ZNF423: variants seen among roughly 807,000 people sequenced by gnomAD.
The protein encoded by ZNF423 is zinc finger protein 423.
Under a neutral mutation model 95.8 loss-of-function variants are expected in ZNF423, and 12 were observed. The ratio of observed to expected loss-of-function variants is 0.13; its 90% CI spans 0.08 to 0.20. The LOEUF (loss-of-function observed/expected upper bound fraction) is 0.20, where lower values mean the gene tolerates loss of function less well. Ranked by LOEUF, ZNF423 falls within the 10% of genes least tolerant of loss-of-function variation. The pLI is 1.00. For synonymous variants in ZNF423, 749 were observed against 711.9 expected (o/e 1.05, Z -0.83); for missense variants, 1,316 against 1,737.1 (o/e 0.76, Z 4.31).
chr16:49,715,722 G>C (rs559633082), intron 3 of ZNF423, among the ~76,000 whole-genome samples: 1 of 151,592 alleles, frequency 6.6e-6, no homozygotes, highest in African/African-American at 2.4e-5. Context: ...TCCAGCCTGG[G>C]TGACAGAGTG....
intron 5 of ZNF423, among the ~76,000 whole-genome samples, chr16:49,528,620 GGGACTCGCTCCCACTCAA>G (rs1380359665): frequency 6.6e-6 from 1 of 152,200 alleles, no homozygotes; most frequent in Non-Finnish European, 1.5e-5. Context: ...CCGCAGAGCT[GGGACTCGCTCCCACTCAA>G]GGCAAGACCT....
intron 3 of ZNF423, among the ~76,000 whole-genome samples, chr16:49,695,455 G>A (rs971078481): frequency 1.8e-4 from 28 of 152,324 alleles, no homozygotes; most frequent in East Asian, 3.9e-4. Flanking sequence ...CACCAAGCCC[G>A]GCTAATTTTG....
intron 5 of ZNF423, among the ~76,000 whole-genome samples, chr16:49,566,995 C>T (rs962616387): frequency 1.3e-5 from 2 of 152,148 alleles, no homozygotes; most frequent in Non-Finnish European, 2.9e-5. Context: ...AGGGGTAAGA[C>T]GGGGTCCTCT....
At chr16:49,617,055 C>T (rs759677531) in intron 5 of ZNF423, among the ~76,000 whole-genome samples, 3 of 152,160 alleles carry the variant, frequency 2.0e-5, no homozygotes, top group Non-Finnish European at 4.4e-5. Flanking sequence ...AATAAAAGCC[C>T]TCTTTCTTTT....
At chr16:49,736,485 C>T (rs1258031529) in intron 2 of ZNF423, among the ~76,000 whole-genome samples, 1 of 152,150 alleles carries the variant, frequency 6.6e-6, no homozygotes, top group Non-Finnish European at 1.5e-5. Context: ...AACCTTTCAC[C>T]TCAATCATGT....
At chr16:49,837,920 C>A (rs866461633) in intron 1 of ZNF423, among the ~76,000 whole-genome samples, 1 of 152,198 alleles carries the variant, frequency 6.6e-6, no homozygotes, top group African/African-American at 2.4e-5. Flanking sequence ...TAAGCCAGAG[C>A]GGTCTCTCAA....
At chr16:49,842,526 C>T (rs891812121) in intron 1 of ZNF423, among the ~76,000 whole-genome samples, 18 of 151,844 alleles carry the variant, frequency 1.2e-4, no homozygotes, top group Non-Finnish European at 2.1e-4. Flanking sequence ...GTGGAAGGAT[C>T]ACTTGAGCCC....
At chr16:49,517,227 AC>A (rs1411220285) in intron 7 of ZNF423, among the ~76,000 whole-genome samples, 1 of 152,162 alleles carries the variant, frequency 6.6e-6, no homozygotes, top group Admixed American at 6.5e-5. Flanking sequence ...TCATGTCCCT[AC>A]AGCTTAATTT....
At chr16:49,621,252 T>C (rs1184397368) in intron 5 of ZNF423, among the ~76,000 whole-genome samples, 1 of 152,088 alleles carries the variant, frequency 6.6e-6, no homozygotes, top group Non-Finnish European at 1.5e-5. Flanking sequence ...TCAAAGCCAT[T>C]TCAAAAGCTG....
Position 49,492,927 on chromosome 16 carries a change from C to T in ZNF423, c.3850-1623G>A, listed in dbSNP as rs1441581533. ...GGGATTTTCAGGGGAGCCAGGCTTC[C>T]CAGGGCCTGCACCCCATGGGCACCG... On this transcript the variant is annotated intron_variant, in intron 7 of 7. Transcript: ENST00000563137. This position sits in a 1 kb window ranked among gnomAD's most constrained non-coding sequence, Gnocchi z 4.2. Among the ~76,000 whole-genome samples, 1 of 152,144 alleles carries T rather than the reference C, an allele frequency of 6.6e-6. No individual in the cohort carries two copies. Among genetic ancestry groups the T allele is most frequent in the Non-Finnish European group, 1.5e-5 (1 of 68,022 alleles).
intron 5 of ZNF423, among the ~76,000 whole-genome samples, chr16:49,558,752 G>A (rs1340644557): frequency 1.3e-5 from 2 of 152,184 alleles, no homozygotes; most frequent in East Asian, 3.8e-4. Context: ...TAAGCTCAGT[G>A]TGTATTTGAC....
chr16:49,497,818 C>T (rs1365659280), intron 7 of ZNF423, among the ~76,000 whole-genome samples: 2 of 152,168 alleles, frequency 1.3e-5, no homozygotes, highest in African/African-American at 2.4e-5. Flanking sequence ...CAGCCATGTT[C>T]GTGCTCAGCA....
rs1420435697 is a variant in ZNF423, at chr16:49,492,609, A to G, written c.3850-1305T>C. Among the ~76,000 whole-genome samples, 1 of 152,128 alleles carries G rather than the reference A, an allele frequency of 6.6e-6. No individual in the cohort carries two copies. Among genetic ancestry groups the G allele is most frequent in the Admixed American group, 6.5e-5 (1 of 15,290 alleles). ...GGTAATGTCACCGACCCTTCCTGCGAGCTCCCGGCCGGGAAGAGGCAGCCC... is the reference window on the plus strand; with the variant it reads ...GGTAATGTCACCGACCCTTCCTGCGGGCTCCCGGCCGGGAAGAGGCAGCCC... On this transcript the variant is annotated intron_variant, in intron 7 of 7. Transcript: ENST00000563137. This position sits in a 1 kb window ranked among gnomAD's most constrained non-coding sequence, Gnocchi z 4.2.
At chr16:49,563,448 A>G (rs1970081166) in intron 5 of ZNF423, among the ~76,000 whole-genome samples, 1 of 152,186 alleles carries the variant, frequency 6.6e-6, no homozygotes, top group Admixed American at 6.5e-5. Context: ...CTCTTTATAA[A>G]TCACCCAGCC....
At chr16:49,695,512 C>G (rs1193658115) in intron 3 of ZNF423, among the ~76,000 whole-genome samples, 2 of 152,246 alleles carry the variant, frequency 1.3e-5, no homozygotes, top group South Asian at 2.1e-4. Context: ...AGGCTGGTCT[C>G]GAACTCCCAA....
chr16:49,610,722 G>A (rs1971695986), intron 5 of ZNF423, among the ~76,000 whole-genome samples: 1 of 151,912 alleles, frequency 6.6e-6, no homozygotes, highest in Non-Finnish European at 1.5e-5. Flanking sequence ...AAAAGATGAA[G>A]ATTGGCAGAC....
At chr16:49,595,627 G>C (rs1397062597) in intron 5 of ZNF423, among the ~76,000 whole-genome samples, 1 of 152,194 alleles carries the variant, frequency 6.6e-6, no homozygotes, top group East Asian at 1.9e-4. Flanking sequence ...AGTAAACTAA[G>C]AAATGAACTC....
In ZNF423 at chr16:49,768,047, C is replaced by A. The variant is rs552249880; in HGVS notation, c.100+21440G>T. ...TTAATTAACATTTTTGATCTTTAAT[C>A]CATTACACATCCCTCTAATCCTGTA... On this transcript the variant is annotated intron_variant, in intron 2 of 7. Coordinates refer to ENST00000563137, the MANE Select transcript of ZNF423 (RefSeq NM_001379286.1). 6.0e-4 allele frequency among the ~76,000 whole-genome samples: 92 copies of A among 152,336 alleles called. 4 individuals carry two copies. In the South Asian group the frequency reaches 0.018, roughly 30 times the overall value.
chr16:49,822,236 T>A (rs1343846089), intron 1 of ZNF423, among the ~76,000 whole-genome samples: 1 of 151,100 alleles, frequency 6.6e-6, no homozygotes, highest in Non-Finnish European at 1.5e-5. Context: ...TGCAGTGGCG[T>A]GATTTCAGCT....
Sources: gnomAD v4.1 joint callset for allele counts (sites outside exome capture counted in the v4.1 genomes callset) on GRCh38, gnomAD v4.1.1 for gene constraint, Gnocchi (gnomAD v3.1) non-coding constraint, MANE v1.5 for transcripts, NCBI Gene and HGNC (gene_info 2026-07-23, HGNC 2026-07-21) for gene names.